The following LNX1 variants were observed in gnomAD, a reference collection of about 807,000 sequenced individuals.
LNX1 encodes ligand of numb-protein X 1.
Under a neutral mutation model 68.4 loss-of-function variants are expected in LNX1, and 54 were observed. The ratio of observed to expected loss-of-function variants is 0.79; its 90% CI spans 0.63 to 0.99. LNX1 has a LOEUF of 0.99. Among genes scored for constraint, LNX1 ranks in the 50% least tolerant of loss-of-function variants. The pLI is 0.00. For missense variants in LNX1, 906 were observed against 926.4 expected, an observed-to-expected ratio of 0.98 and a Z score of 0.29; for synonymous variants, 336 against 350.0, an observed-to-expected ratio of 0.96 and a Z score of 0.45.
chr4:53,525,763 T>C (rs540728419), intron 2 of LNX1, among the ~76,000 whole-genome samples: 56 of 152,332 alleles, frequency 3.7e-4, no homozygotes, highest in Non-Finnish European at 7.6e-4. Context: ...ATCCTGTTAA[T>C]CTGTGGCCAA....
chr4:53,559,525 T>G (rs1389817040), intron 2 of LNX1, among the ~76,000 whole-genome samples: 1 of 152,234 alleles, frequency 6.6e-6, no homozygotes, highest in Non-Finnish European at 1.5e-5. Flanking sequence ...TGAACTTTCA[T>G]GTCCTCCCCT....
chr4:53,513,910 G>A (rs528489816), intron 2 of LNX1, among the ~76,000 whole-genome samples: 1 of 152,184 alleles, frequency 6.6e-6, no homozygotes, highest in African/African-American at 2.4e-5. Flanking sequence ...TGTCTGTTGT[G>A]ACTTCTGACT....
chr4:53,627,129 T>A (rs1469036767), intron 1 of LNX1, among the ~76,000 whole-genome samples: 1 of 152,170 alleles, frequency 6.6e-6, no homozygotes, highest in Non-Finnish European at 1.5e-5. Context: ...CATTTCAAGC[T>A]TTGTAGCCAG....
At chr4:53,546,629 G>A (rs545674475) in intron 2 of LNX1, among the ~76,000 whole-genome samples, 1 of 152,254 alleles carries the variant, frequency 6.6e-6, no homozygotes, top group Admixed American at 6.5e-5. Flanking sequence ...TAAAATAGGG[G>A]GATTAGACTA....
chr4:53,492,506 T>TGAGAAAGAGAGAGAGAGAGA (rs1724750221), intron 6 of LNX1, among the ~76,000 whole-genome samples: 2 of 88,942 alleles, frequency 2.2e-5, no homozygotes, highest in East Asian at 6.8e-4. Context: ...CAGAGGGCTC[T>TGAGAAAGAGAGAGAGAGAGA]GAGAGAGAGA....
At chr4:53,619,566 A>G (rs1372792322), upstream of LNX1, among the ~76,000 whole-genome samples, 4 of 152,276 alleles carry the variant, frequency 2.6e-5, no homozygotes, top group Admixed American at 1.3e-4. Context: ...TGGTTGAGTG[A>G]CAGTCCATTG....
intron 1 of LNX1, among the ~76,000 whole-genome samples, chr4:53,579,632 C>T (rs1013189275): frequency 1.6e-4 from 24 of 152,000 alleles, no homozygotes; most frequent in African/African-American, 5.1e-4. Context: ...CTACTGTCAA[C>T]GCACTAGACA....
intron 2 of LNX1, among the ~76,000 whole-genome samples, chr4:53,608,145 C>T (rs917765511): frequency 2.6e-5 from 4 of 152,156 alleles, no homozygotes; most frequent in African/African-American, 9.7e-5. Context: ...TGAGCATCTA[C>T]ACAGCAAAAG....
chr4:53,630,083 T>TA (rs1734213239), intron 1 of LNX1, among the ~76,000 whole-genome samples: 1 of 151,782 alleles, frequency 6.6e-6, no homozygotes, highest in Admixed American at 6.6e-5. Context: ...GTTTCTTCAT[T>TA]AAAAAAAGGT....
intron 2 of LNX1, among the ~76,000 whole-genome samples, chr4:53,531,508 T>C (rs550471444): frequency 6.6e-6 from 1 of 152,300 alleles, no homozygotes; most frequent in South Asian, 2.1e-4. Flanking sequence ...CACACGGAAA[T>C]AGACAGTAGT....
chr4:53,589,401 C>T (rs756818987), intron 1 of LNX1, among the ~76,000 whole-genome samples: 1 of 152,208 alleles, frequency 6.6e-6, no homozygotes, highest in African/African-American at 2.4e-5. Flanking sequence ...ATTACAATAA[C>T]AAGAACTATC....
chr4:53,556,476 G>A (rs1190220127), intron 2 of LNX1, among the ~76,000 whole-genome samples: 5 of 152,188 alleles, frequency 3.3e-5, no homozygotes, highest in Non-Finnish European at 7.3e-5. Context: ...AAGAAGGATA[G>A]CGCATGGGAA....
chr4:53,510,164 G>A (rs574445811), intron 2 of LNX1, among the ~76,000 whole-genome samples: 1 of 152,294 alleles, frequency 6.6e-6, no homozygotes, highest in Admixed American at 6.5e-5. Context: ...CCTATTTCAT[G>A]CCAAGCAACA....
At chr4:53,495,834 ACGCCCAGC>A (rs1259294309) in intron 6 of LNX1, among the ~76,000 whole-genome samples, 181 bp downstream of exon 6, 1 of 152,118 alleles carries the variant, frequency 6.6e-6, no homozygotes, top group Non-Finnish European at 1.5e-5. Context: ...ATGGGCCACC[ACGCCCAGC>A]CGAGTAATGT....
At chr4:53,559,004 A>G (rs901160056) in intron 2 of LNX1, among the ~76,000 whole-genome samples, 1 of 152,178 alleles carries the variant, frequency 6.6e-6, no homozygotes, top group Non-Finnish European at 1.5e-5. Context: ...CGCTTACCCC[A>G]TATTCAAGAA....
intron 2 of LNX1, among the ~76,000 whole-genome samples, chr4:53,608,327 A>T (rs962650657): frequency 3.9e-5 from 6 of 152,240 alleles, no homozygotes; most frequent in Admixed American, 1.3e-4. Context: ...ACTTTTTAAA[A>T]GAAGACATAC....
At chr4:53,508,266 G>T in intron 2 of LNX1, 39 bp from the exon 3 acceptor site, 1 of 1,599,004 alleles carries the variant, frequency 6.3e-7, no homozygotes, top group Non-Finnish European at 8.6e-7. Flanking sequence ...AAGAGCTTTG[G>T]CTCTGCTGCC....
intron 1 of LNX1, among the ~76,000 whole-genome samples, chr4:53,626,526 G>T (rs1235159959): frequency 6.6e-6 from 1 of 152,202 alleles, no homozygotes. Flanking sequence ...GACTATGCTA[G>T]TGTTAGGCAT....
At chr4:53,513,310 C>T (rs1407161614) in intron 2 of LNX1, among the ~76,000 whole-genome samples, 1 of 152,044 alleles carries the variant, frequency 6.6e-6, no homozygotes. Context: ...CCCACTTGTC[C>T]TATTAGTTAT....
Sources: gnomAD v4.1 joint callset for allele counts (sites outside exome capture counted in the v4.1 genomes callset) on GRCh38, gnomAD v4.1.1 for gene constraint, MANE v1.5 for transcripts, NCBI Gene and HGNC (gene_info 2026-07-23, HGNC 2026-07-21) for gene names.